The following KIAA1549L variants were observed in gnomAD, a reference collection of about 807,000 sequenced individuals.
The protein encoded by KIAA1549L is UPF0606 protein KIAA1549L.
KIAA1549L carries 88 observed loss-of-function variants against 160.7 expected under a neutral mutation model. The observed-to-expected ratio is 0.55, with a 90% CI of 0.46 to 0.65. The LOEUF (loss-of-function observed/expected upper bound fraction) is 0.65. Among genes scored for constraint, KIAA1549L ranks in the 30% least tolerant of loss-of-function variants. KIAA1549L has a pLI of 0.00. For missense variants in KIAA1549L, 2,258 were observed against 2,437.5 expected, an observed-to-expected ratio of 0.93 and a Z score of 1.55; for synonymous variants, 950 against 976.7, an observed-to-expected ratio of 0.97 and a Z score of 0.51.
intron 1 of KIAA1549L, among the ~76,000 whole-genome samples, chr11:33,512,739 C>CCTTTTA (rs1853256452): frequency 1.3e-5 from 2 of 152,096 alleles, no homozygotes; most frequent in Non-Finnish European, 2.9e-5. Context: ...AGGTAATATT[C>CCTTTTA]GAAATCCTTT....
intron 20 of KIAA1549L, among the ~76,000 whole-genome samples, chr11:33,666,015 G>A (rs1185487549): frequency 5.9e-5 from 9 of 152,064 alleles, no homozygotes; most frequent in Admixed American, 5.9e-4. Flanking sequence ...CCTGCTCCGT[G>A]GAGGGGGAAG....
At chr11:33,508,537 C>T (rs139396417) in intron 1 of KIAA1549L, among the ~76,000 whole-genome samples, 5 of 152,306 alleles carry the variant, frequency 3.3e-5, no homozygotes, top group Admixed American at 2.6e-4. Context: ...AAAATTACAC[C>T]TGCGTGTGTG....
chr11:33,581,045 G>A (rs1855625331), intron 10 of KIAA1549L, among the ~76,000 whole-genome samples: 1 of 152,168 alleles, frequency 6.6e-6, no homozygotes, highest in African/African-American at 2.4e-5. Context: ...ACCTAGCATC[G>A]AGGTCATTGA....
At chr11:33,594,711 G>A (rs189348818) in intron 12 of KIAA1549L, among the ~76,000 whole-genome samples, 29 of 152,334 alleles carry the variant, frequency 1.9e-4, no homozygotes, top group Non-Finnish European at 3.8e-4. Flanking sequence ...AAAGCTTGTT[G>A]ACAGAGATGT....
intron 3 of KIAA1549L, among the ~76,000 whole-genome samples, chr11:33,547,181 A>T (rs1854293410): frequency 6.6e-6 from 1 of 152,234 alleles, no homozygotes; most frequent in African/African-American, 2.4e-5. Flanking sequence ...ATCCTTCAGA[A>T]CTTAGCTGAA....
Position 33,655,347 on chromosome 11 carries a change from C to T in KIAA1549L, c.5761-665C>T, listed in dbSNP as rs181435328. Among the ~76,000 whole-genome samples the T allele has an allele frequency of 1.9e-3, 293 of 152,308 alleles. 1 individual carries two copies. Among genetic ancestry groups the T allele is most frequent in the African/African-American group, 6.5e-3 (272 of 41,562 alleles). On this transcript the variant is annotated intron_variant, in intron 17 of 20. Transcript: ENST00000658780. The stretch of plus-strand genomic sequence containing the variant: ...CATTTCAGAAGAGGTCCAGAAAGGT[C>T]ACCTGAGTTGCTGAAGGACCTAAAG...
At chr11:33,518,138 CAAAAAAAAAAAAAAAA>C (rs560876643) in intron 1 of KIAA1549L, among the ~76,000 whole-genome samples, 2 of 59,414 alleles carry the variant, frequency 3.4e-5, no homozygotes, top group South Asian at 7.9e-4. Flanking sequence ...GACTCTGTCT[CAAAAAAAAAAAAAAAA>C]AAAAAAAAAA....
chr11:33,619,113 T>A (rs1850896912), intron 16 of KIAA1549L, among the ~76,000 whole-genome samples: 1 of 152,188 alleles, frequency 6.6e-6, no homozygotes. Context: ...AACAGGGCGG[T>A]TTGATAATTT....
intron 1 of KIAA1549L, among the ~76,000 whole-genome samples, chr11:33,429,120 C>T (rs1050839751): frequency 5.3e-5 from 8 of 152,154 alleles, no homozygotes; most frequent in African/African-American, 1.9e-4. Context: ...TACAGGCACC[C>T]ACCACTACCC....
At position 33,535,692 on chromosome 11, in the gene KIAA1549L, A is replaced by G. The variant is rs183089605; in HGVS notation, c.239-6110A>G. ...GTCCCCCCTCCAAAAAAGAAAAAAG[A>G]AAAAGTCACAGGTTCTCCTCATACC... On this transcript the variant is annotated intron_variant, in intron 1 of 20. Coordinates refer to ENST00000658780, the MANE Select transcript of KIAA1549L (RefSeq NM_012194.3). Among the ~76,000 whole-genome samples, 1,148 of 152,202 alleles carry G rather than the reference A, an allele frequency of 7.5e-3. 62 individuals are homozygous for G. Among genetic ancestry groups the G allele is most frequent in the Admixed American group, 0.068 (1,034 of 15,296 alleles).
intron 12 of KIAA1549L, among the ~76,000 whole-genome samples, chr11:33,593,697 G>A (rs753083474): frequency 6.6e-6 from 1 of 152,206 alleles, no homozygotes; most frequent in Non-Finnish European, 1.5e-5. Flanking sequence ...GCCATTTATT[G>A]TGTTGGGGGA....
Position 33,545,394 on chromosome 11 carries a change from T to C in KIAA1549L, c.3385+16T>C. On this transcript the variant is annotated intron_variant, in intron 3 of 20. Transcript: ENST00000658780. ...GTGAAGACAGGTATGAGACCACTGTTCTGATCTGAAAGCAGCAAGCCTGGC... is the reference window on the plus strand; with the variant it reads ...GTGAAGACAGGTATGAGACCACTGTCCTGATCTGAAAGCAGCAAGCCTGGC... 1 of 1,591,910 alleles carries C rather than the reference T, an allele frequency of 6.3e-7. No individual in the cohort carries two copies. The highest frequency in any genetic ancestry group is 8.5e-7 in the Non-Finnish European group (1 of 1,171,970).
intron 1 of KIAA1549L, among the ~76,000 whole-genome samples, chr11:33,465,648 G>A (rs1852042044): frequency 6.6e-6 from 1 of 152,082 alleles, no homozygotes; most frequent in African/African-American, 2.4e-5. Context: ...GAAAAGTATG[G>A]TTAACTAATG....
At chr11:33,636,348 T>TC (rs1851436896) in intron 16 of KIAA1549L, among the ~76,000 whole-genome samples, 1 of 108,966 alleles carries the variant, frequency 9.2e-6, no homozygotes, top group South Asian at 3.1e-4. Flanking sequence ...CAATGAATCT[T>TC]CTTTTTTTTT....
intron 19 of KIAA1549L, among the ~76,000 whole-genome samples, chr11:33,659,941 G>T (rs1227343938): frequency 6.6e-6 from 1 of 152,174 alleles, no homozygotes; most frequent in Non-Finnish European, 1.5e-5. Context: ...GGAGACCTTT[G>T]TCCTCTCATC....
rs60029190 is a variant in KIAA1549L, at chr11:33,520,684, A to AACACACACACACACACACAC, written c.239-21081_239-21062dup. Among the ~76,000 whole-genome samples the AACACACACACACACACACAC allele has an allele frequency of 4.1e-4, 35 of 84,796 alleles. 1 individual carries two copies. The highest frequency in any genetic ancestry group is 3.4e-3 in the Admixed American group (26 of 7,648). 55.6% of individuals were successfully genotyped at this position (84,796 alleles called of 152,430 possible). A position where few individuals can be genotyped will look rare whatever the true frequency, so the allele number is the denominator to read the frequency against. ...TGGTGGACATACACCCCCCACCCCCAACACACACACACACACACACACACA... is the reference window on the plus strand; with the variant it reads ...TGGTGGACATACACCCCCCACCCCCAACACACACACACACACACACACACACACACACACACACACACACA... On this transcript the variant is annotated intron_variant, in intron 1 of 20. Coordinates refer to ENST00000658780, the MANE Select transcript of KIAA1549L (RefSeq NM_012194.3).
intron 1 of KIAA1549L, among the ~76,000 whole-genome samples, chr11:33,491,069 A>C (rs1156399900): frequency 6.6e-6 from 1 of 151,918 alleles, no homozygotes; most frequent in Non-Finnish European, 1.5e-5. Context: ...CCTCAACTAG[A>C]CTCTGAGTTT....
chr11:33,581,235 C>G (rs537192759), intron 10 of KIAA1549L, among the ~76,000 whole-genome samples: 353 of 152,350 alleles, frequency 2.3e-3, no homozygotes, highest in Non-Finnish European at 4.1e-3. Context: ...CATCCAGTCA[C>G]CCCAGTTATG....
chr11:33,590,147 C>T lies in KIAA1549L; in HGVS notation c.4567-1090C>T, dbSNP rs1450650388. 2.0e-5 allele frequency among the ~76,000 whole-genome samples: 3 copies of T among 152,142 alleles called. No individual in the cohort carries two copies. The East Asian group carries it at 5.8e-4, about 29-fold the overall frequency. ...TTCTTATTTAATCCTTACAGCATCC[C>T]CTTAAAAGTGGTTACATGTTGCTCT... On this transcript the variant is annotated intron_variant, in intron 11 of 20. Coordinates refer to ENST00000658780, the MANE Select transcript of KIAA1549L (RefSeq NM_012194.3).
Sources: allele counts gnomAD v4.1 joint callset (sites outside exome capture counted in the v4.1 genomes callset), GRCh38; gene constraint gnomAD v4.1.1; transcripts MANE v1.5; gene names NCBI Gene and HGNC (gene_info 2026-07-23, HGNC 2026-07-21).